Variants in PJA2 observed in about 807,000 individuals in gnomAD.
PJA2 encodes E3 ubiquitin-protein ligase Praja-2.
PJA2 carries 25 observed loss-of-function variants against 69.3 expected under a neutral mutation model. That is an observed-to-expected ratio of 0.36 (90% CI 0.26 to 0.50). The LOEUF is 0.50. Ranked by LOEUF, PJA2 falls within the 20% of genes least tolerant of loss-of-function variation. The pLI, the probability that PJA2 is intolerant of heterozygous loss-of-function variation, is 0.96. For synonymous variants in PJA2, 308 were observed against 277.8 expected (o/e 1.11, Z -1.08); for missense variants, 809 against 830.2 (o/e 0.97, Z 0.31).
At chr5:109,402,977 TAATAAATTAACATAG>T (rs1747593987) in intron 1 of PJA2, among the ~76,000 whole-genome samples, 1 of 152,016 alleles carries the variant, frequency 6.6e-6, no homozygotes, top group African/African-American at 2.4e-5. Flanking sequence ...GCTTACACCT[TAATAAATTAACATAG>T]AGGAATTTAA....
chr5:109,370,358 C>T (rs563582218), intron 4 of PJA2, among the ~76,000 whole-genome samples: 8 of 152,218 alleles, frequency 5.3e-5, no homozygotes, highest in South Asian at 2.1e-4. Context: ...TATGTCAATA[C>T]GCAGTTAGTG....
At chr5:109,381,323 A>T (rs2288532) in intron 3 of PJA2, among the ~76,000 whole-genome samples, 180 bp downstream of exon 3, 1 of 152,028 alleles carries the variant, frequency 6.6e-6, no homozygotes, top group Admixed American at 6.5e-5. Context: ...TTCTTCTACA[A>T]TGTTTAAATA....
chr5:109,406,916 G>C (rs1450674276), intron 1 of PJA2, among the ~76,000 whole-genome samples: 1 of 152,070 alleles, frequency 6.6e-6, no homozygotes, highest in Non-Finnish European at 1.5e-5. Context: ...CATGCCAAGA[G>C]AAAAAGCCAG....
At chr5:109,380,143 G>C (rs1747008248) in intron 3 of PJA2, among the ~76,000 whole-genome samples, 1 of 142,360 alleles carries the variant, frequency 7.0e-6, no homozygotes, top group Non-Finnish European at 1.5e-5. Context: ...GCCCAGGCTG[G>C]AGTGCAGTGG....
intron 7 of PJA2, among the ~76,000 whole-genome samples, chr5:109,345,815 G>A (rs552018976): frequency 6.6e-6 from 1 of 152,280 alleles, no homozygotes; most frequent in African/African-American, 2.4e-5. Flanking sequence ...TCTGGGTTGT[G>A]AATTTCATTT....
chr5:109,357,074 T>C (rs1705143623), intron 6 of PJA2, among the ~76,000 whole-genome samples: 1 of 152,200 alleles, frequency 6.6e-6, no homozygotes, highest in African/African-American at 2.4e-5. Context: ...TCTTCAATTA[T>C]CCTCTCTGCA....
rs181430190 is a variant in PJA2, at chr5:109,364,345, C to T, written c.1470-1323G>A. On this transcript the variant is annotated intron_variant, in intron 5 of 9. Coordinates refer to ENST00000361189, the MANE Select transcript of PJA2 (RefSeq NM_014819.5). ...ATTTTATAAAAATTTCAGTGTCGGC[C>T]GGGCGCGGTGGCTCACGCCTGTAAT... 2.5e-4 allele frequency among the ~76,000 whole-genome samples: 38 copies of T among 152,006 alleles called. No individual in the cohort carries two copies. The East Asian group carries it at 5.7e-3, about 23-fold the overall frequency.
intron 1 of PJA2, among the ~76,000 whole-genome samples, chr5:109,396,444 T>G (rs1035706249): frequency 2.9e-5 from 3 of 105,210 alleles, no homozygotes; most frequent in African/African-American, 1.1e-4. Flanking sequence ...TTTTTTTTTT[T>G]GAGACAGAGT....
At chr5:109,379,329 A>C in intron 3 of PJA2, 75 bp from the exon 4 acceptor site, 1 of 1,060,968 alleles carries the variant, frequency 9.4e-7, no homozygotes, top group Non-Finnish European at 1.3e-6. Context: ...CTATCACTTA[A>C]GTGGAAATCA....
chr5:109,380,961 A>C (rs1452145949), intron 3 of PJA2, among the ~76,000 whole-genome samples: 1 of 152,000 alleles, frequency 6.6e-6, no homozygotes, highest in African/African-American at 2.4e-5. Flanking sequence ...CTAAAAATAC[A>C]AAAATTAGCT....
intron 4 of PJA2, among the ~76,000 whole-genome samples, chr5:109,377,628 T>C (rs1746923639): frequency 3.9e-5 from 6 of 152,140 alleles, no homozygotes; most frequent in Admixed American, 3.9e-4. Flanking sequence ...TAGGAAGTTA[T>C]ATAATGCTCT....
intron 7 of PJA2, among the ~76,000 whole-genome samples, chr5:109,345,975 C>T (rs755599873): frequency 6.6e-6 from 1 of 152,136 alleles, no homozygotes; most frequent in Non-Finnish European, 1.5e-5. Context: ...TTGTCTGCAA[C>T]CTGTACAATT....
intron 4 of PJA2, among the ~76,000 whole-genome samples, chr5:109,373,791 T>C (rs560167242): frequency 6.6e-6 from 1 of 152,334 alleles, no homozygotes; most frequent in Admixed American, 6.5e-5. Flanking sequence ...ACTCAAATGT[T>C]ACACTCTACA....
chr5:109,364,646 A>G (rs896402427), intron 5 of PJA2, among the ~76,000 whole-genome samples: 3 of 151,432 alleles, frequency 2.0e-5, no homozygotes, highest in African/African-American at 4.9e-5. Flanking sequence ...AAAAAATTTC[A>G]GTGTCATTCT....
chr5:109,374,092 T>C (rs2127004156), intron 4 of PJA2, among the ~76,000 whole-genome samples: 1 of 152,350 alleles, frequency 6.6e-6, no homozygotes, highest in South Asian at 2.1e-4. Flanking sequence ...AACTGTAATG[T>C]AATACAGTGA....
At chr5:109,399,829 T>C (rs1747499605) in intron 1 of PJA2, among the ~76,000 whole-genome samples, 2 of 152,148 alleles carry the variant, frequency 1.3e-5, no homozygotes, top group Non-Finnish European at 2.9e-5. Flanking sequence ...ATAACTATGA[T>C]TACCCTTTTA....
At chr5:109,366,060 T>C (rs1762581351) in intron 5 of PJA2, among the ~76,000 whole-genome samples, 1 of 152,162 alleles carries the variant, frequency 6.6e-6, no homozygotes, top group Non-Finnish European at 1.5e-5. Flanking sequence ...TATTAGAACT[T>C]TTTTTGGGCT....
In PJA2 at chr5:109,371,318, C is replaced by T. The variant is rs7703095; in HGVS notation, c.1284-2572G>A. ...TAAGCATTTTAAGATTTTTCACCTT[C>T]CTTGTCAAAAATTCTATTATAAAAT... On this transcript the variant is annotated intron_variant, in intron 4 of 9. Coordinates refer to ENST00000361189, the MANE Select transcript of PJA2 (RefSeq NM_014819.5). Among the ~76,000 whole-genome samples the T allele has an allele frequency of 7.0e-3, 1,059 of 152,268 alleles. 12 individuals are homozygous for T. The highest frequency in any genetic ancestry group is 0.024 in the African/African-American group (1,001 of 41,540).
intron 1 of PJA2, among the ~76,000 whole-genome samples, chr5:109,404,907 C>T (rs967191114): frequency 2.6e-5 from 4 of 152,208 alleles, no homozygotes; most frequent in Non-Finnish European, 1.5e-5. Context: ...TATCTGCTTT[C>T]ACCACTGCTA....
Sources: gnomAD v4.1 joint callset for allele counts (sites outside exome capture counted in the v4.1 genomes callset) on GRCh38, gnomAD v4.1.1 for gene constraint, MANE v1.5 for transcripts, NCBI Gene and HGNC (gene_info 2026-07-23, HGNC 2026-07-21) for gene names.